Variants in NAA35 observed in about 807,000 individuals in gnomAD.
The protein encoded by NAA35 is N-alpha-acetyltransferase 35, NatC auxiliary subunit.
Under a neutral mutation model 101.7 loss-of-function variants are expected in NAA35, and 18 were observed. The observed-to-expected ratio is 0.18, with a 90% CI of 0.12 to 0.26. The LOEUF (loss-of-function observed/expected upper bound fraction) is 0.26, where lower values mean the gene tolerates loss of function less well. Ranked by LOEUF, NAA35 falls within the 10% of genes least tolerant of loss-of-function variation. NAA35 has a pLI of 1.00. For synonymous variants in NAA35, 267 were observed against 273.1 expected (o/e 0.98, Z 0.22); for missense variants, 601 against 886.8 (o/e 0.68, Z 4.09).
rs778981500 is a variant in NAA35, at chr9:85,961,122, C to G, written c.349-891C>G. On this transcript the variant is annotated intron_variant, in intron 5 of 22. Transcript: ENST00000361671. ...TTGGGACTGTATTTAAAAATTTGGA[C>G]TTTAAAAGGCAGATGGTTTTTAGTC... Among the ~76,000 whole-genome samples, 7 of 152,120 alleles carry G rather than the reference C, an allele frequency of 4.6e-5. No homozygotes were observed. The East Asian group carries it at 5.8e-4, about 13-fold the overall frequency.
intron 2 of NAA35, among the ~76,000 whole-genome samples, chr9:85,954,734 C>G (rs1007169331): frequency 1.3e-5 from 2 of 152,134 alleles, no homozygotes; most frequent in Non-Finnish European, 2.9e-5. Flanking sequence ...CCTCCATTGC[C>G]TTTTTACCTT....
At chr9:85,955,341 TA>T (rs1564287946) in intron 2 of NAA35, among the ~76,000 whole-genome samples, 46 of 69,660 alleles carry the variant, frequency 6.6e-4, no homozygotes, top group African/African-American at 1.3e-3. Flanking sequence ...TATATATATA[TA>T]TATATATATA....
chr9:85,961,513 T>C (rs1829514116), intron 5 of NAA35, among the ~76,000 whole-genome samples: 1 of 152,224 alleles, frequency 6.6e-6, no homozygotes, highest in Non-Finnish European at 1.5e-5. Flanking sequence ...AGTAAAATAG[T>C]ATAAAACAAT....
intron 3 of NAA35, among the ~76,000 whole-genome samples, chr9:85,957,486 C>T (rs1394048774): frequency 2.0e-5 from 3 of 152,138 alleles, no homozygotes; most frequent in Admixed American, 6.6e-5. Flanking sequence ...CAAGAACTCA[C>T]CTCCCTGGGA....
chr9:85,951,220 CA>C (rs919757710), intron 2 of NAA35, among the ~76,000 whole-genome samples: 1 of 151,342 alleles, frequency 6.6e-6, no homozygotes, highest in Admixed American at 6.6e-5. Context: ...TTTTCCAAAA[CA>C]AAAAAATAAT....
rs1832727792 is a variant in NAA35 at position 86,025,086 on chromosome 9, A to G, written c.*3126A>G. On this transcript the variant is annotated 3_prime_UTR_variant, in exon 23 of 23. Transcript: ENST00000361671. ...TGTTTGCACAAGACTCTAAGACAGT[A>G]TACTGCCTTAAATAAAGTGCACCCT... is the stretch of plus-strand genomic sequence containing the variant. Among the ~76,000 whole-genome samples, 1 of 152,220 alleles carries G rather than the reference A, an allele frequency of 6.6e-6. No homozygotes were observed. The highest frequency in any genetic ancestry group is 1.5e-5 in the Non-Finnish European group (1 of 68,042).
At chr9:85,970,209 C>G (rs1291929599) in intron 6 of NAA35, among the ~76,000 whole-genome samples, 10 of 152,128 alleles carry the variant, frequency 6.6e-5, no homozygotes. Flanking sequence ...ATTTAGTGTT[C>G]TAGTGGCCAT....
chr9:85,954,645 T>A (rs1227930850), intron 2 of NAA35, among the ~76,000 whole-genome samples: 1 of 152,168 alleles, frequency 6.6e-6, no homozygotes, highest in African/African-American at 2.4e-5. Context: ...TAGCCGTAAG[T>A]GCATGGAAGT....
intron 2 of NAA35, among the ~76,000 whole-genome samples, chr9:85,955,131 G>A (rs1829184353): frequency 6.6e-6 from 1 of 151,172 alleles, no homozygotes; most frequent in South Asian, 2.1e-4. Flanking sequence ...TGGCCGTGCT[G>A]GTCTCAAACT....
intron 17 of NAA35, chr9:86,015,743 G>C: frequency 3.2e-6 from 3 of 951,450 alleles, no homozygotes; most frequent in African/African-American, 1.8e-5. Flanking sequence ...AGAAGAAAAG[G>C]CTGCATCTTA....
At chr9:86,012,488 T>C (rs1831989665) in intron 15 of NAA35, among the ~76,000 whole-genome samples, 1 of 152,200 alleles carries the variant, frequency 6.6e-6, no homozygotes, top group Admixed American at 6.5e-5. Flanking sequence ...AATGAGATAA[T>C]ATCTGTCACA....
At position 85,955,327 on chromosome 9, in the gene NAA35, CATATATATATATATATATAT is replaced by C. The variant is rs1173706353; in HGVS notation, c.125-1018_125-999del. ...TCCACAGGATTTAGCCATCTATATA[CATATATATATATATATATAT>C]ATATATATATATATTTTTTTTTTTT... is the stretch of plus-strand genomic sequence containing the variant. On this transcript the variant is annotated intron_variant, in intron 2 of 22. Transcript: ENST00000361671. Among the ~76,000 whole-genome samples, 33 of 82,866 alleles carry C rather than the reference CATATATATATATATATATAT, an allele frequency of 4.0e-4. No homozygotes were observed. The East Asian group carries it at 0.013, about 33-fold the overall frequency. The allele number at this position is 82,866 out of a possible 152,430, so 54.4% of individuals were successfully genotyped here. A position where few individuals can be genotyped will look rare whatever the true frequency, so the allele number is the denominator to read the frequency against.
chr9:85,979,210 C>T (rs115721927), intron 11 of NAA35, among the ~76,000 whole-genome samples: 597 of 152,326 alleles, frequency 3.9e-3, no homozygotes, highest in African/African-American at 0.014. Context: ...GCAAAGGAGA[C>T]AGGATCATTT....
rs113644304 is a variant in NAA35, at chr9:86,022,863, T to C, written c.*903T>C. On this transcript the variant is annotated 3_prime_UTR_variant, in exon 23 of 23. Coordinates refer to ENST00000361671, the MANE Select transcript of NAA35 (RefSeq NM_024635.4). The stretch of plus-strand genomic sequence containing the variant: ...TCTGATGTTTGCGGTGGCAGCTTTC[T>C]AGGCCTCTTGGGCCTTCCTTTTTGT... Among the ~76,000 whole-genome samples the C allele has an allele frequency of 3.9e-4, 60 of 152,250 alleles. No individual in the cohort carries two copies. Among genetic ancestry groups the C allele is most frequent in the African/African-American group, 1.3e-3 (56 of 41,564 alleles).
At chr9:85,992,271 T>C (rs1830951952) in intron 11 of NAA35, among the ~76,000 whole-genome samples, 1 of 152,038 alleles carries the variant, frequency 6.6e-6, no homozygotes, top group African/African-American at 2.4e-5. Context: ...GTGGTCAAAA[T>C]TAGCAAAAAC....
intron 3 of NAA35, 69 bp from the exon 4 acceptor site, chr9:85,958,403 C>T: frequency 1.1e-6 from 1 of 886,342 alleles, no homozygotes; most frequent in Non-Finnish European, 1.8e-6. Flanking sequence ...TAATTTTATA[C>T]CGTTGTGAAA....
At chr9:85,954,345 A>G (rs113136380) in intron 2 of NAA35, among the ~76,000 whole-genome samples, 10,118 of 152,178 alleles carry the variant, frequency 0.066, 1,093 homozygotes, top group African/African-American at 0.23. Flanking sequence ...GGCCTCCCAC[A>G]ATGCTGGGAT....
At chr9:85,977,092 A>G (rs1310580946) in intron 9 of NAA35, among the ~76,000 whole-genome samples, 2 of 152,130 alleles carry the variant, frequency 1.3e-5, no homozygotes, top group African/African-American at 2.4e-5. Context: ...TAAAATGCAG[A>G]TAACATCAGT....
At chr9:86,021,115 G>T (rs1832525022) in intron 22 of NAA35, 146 bp downstream of exon 22, 1 of 555,496 alleles carries the variant, frequency 1.8e-6, no homozygotes, top group African/African-American at 1.9e-5. Flanking sequence ...CAAAAAATTA[G>T]AGCTTGCCAT....
Sources: gnomAD v4.1 joint callset for allele counts (sites outside exome capture counted in the v4.1 genomes callset) on GRCh38, gnomAD v4.1.1 for gene constraint, MANE v1.5 for transcripts, NCBI Gene and HGNC (gene_info 2026-07-23, HGNC 2026-07-21) for gene names.